UNC5D: variants seen among roughly 807,000 people sequenced by gnomAD.
UNC5D encodes unc-5 netrin receptor D.
Under a neutral mutation model 105.4 loss-of-function variants are expected in UNC5D, and 39 were observed. The ratio of observed to expected loss-of-function variants is 0.37; its 90% CI spans 0.29 to 0.48. UNC5D has a LOEUF of 0.48. UNC5D is among the 20% of genes least tolerant of loss of function. The pLI, the probability that UNC5D is intolerant of heterozygous loss-of-function variation, is 0.98. For synonymous variants in UNC5D, 452 were observed against 450.4 expected, an observed-to-expected ratio of 1.00 and a Z score of -0.04; for missense variants, 991 against 1,202.4, an observed-to-expected ratio of 0.82 and a Z score of 2.60.
intron 12 of UNC5D, among the ~76,000 whole-genome samples, chr8:35,750,326 G>A (rs1830212993): frequency 8.2e-6 from 1 of 121,658 alleles, no homozygotes; most frequent in Admixed American, 1.1e-4. Flanking sequence ...CCTGACCTCA[G>A]GTGATCTGCC....
chr8:35,359,538 T>C (rs1298166489), intron 1 of UNC5D, among the ~76,000 whole-genome samples: 1 of 152,212 alleles, frequency 6.6e-6, no homozygotes. Context: ...GACATTCTGA[T>C]TAACTGAATA....
At chr8:35,286,271 T>C (rs752696501) in intron 1 of UNC5D, among the ~76,000 whole-genome samples, 1 of 152,120 alleles carries the variant, frequency 6.6e-6, no homozygotes, top group Non-Finnish European at 1.5e-5. Context: ...CTCACAGAAA[T>C]CCAACTAGCA....
intron 1 of UNC5D, among the ~76,000 whole-genome samples, chr8:35,279,992 T>A (rs1806035329): frequency 6.6e-6 from 1 of 152,062 alleles, no homozygotes; most frequent in South Asian, 2.1e-4. Flanking sequence ...ACCTTTACTT[T>A]CTTTCTTTCT....
At chr8:35,774,827 TG>T (rs2131742152) in intron 16 of UNC5D, among the ~76,000 whole-genome samples, 2 of 150,436 alleles carry the variant, frequency 1.3e-5, no homozygotes, top group South Asian at 4.2e-4. Context: ...CCTGGGAGGC[TG>T]ATGTGAGAAG....
intron 1 of UNC5D, among the ~76,000 whole-genome samples, chr8:35,385,169 C>T (rs1239563721): frequency 1.3e-5 from 2 of 152,136 alleles, no homozygotes; most frequent in Non-Finnish European, 2.9e-5. Context: ...ATCTGATGAT[C>T]TCACCCATCC....
At chr8:35,269,973 T>C (rs571486454) in intron 1 of UNC5D, among the ~76,000 whole-genome samples, 23 of 152,312 alleles carry the variant, frequency 1.5e-4, no homozygotes, top group African/African-American at 4.3e-4. Flanking sequence ...AGATCTTTAG[T>C]GGCACAGAGT....
chr8:35,297,742 T>C (rs1279233346), intron 1 of UNC5D, among the ~76,000 whole-genome samples: 1 of 151,952 alleles, frequency 6.6e-6, no homozygotes, highest in Non-Finnish European at 1.5e-5. Flanking sequence ...CAGGTGTGAA[T>C]TGTGTTCCCT....
chr8:35,242,795 C>T (rs1443655737), intron 1 of UNC5D, among the ~76,000 whole-genome samples: 2 of 152,112 alleles, frequency 1.3e-5, no homozygotes, highest in African/African-American at 2.4e-5. Flanking sequence ...TTAAAGAGAA[C>T]GTATTTACTC....
intron 1 of UNC5D, among the ~76,000 whole-genome samples, chr8:35,373,220 T>C (rs1919336): frequency 0.53 from 80,729 of 152,042 alleles, 22,170 homozygotes; most frequent in East Asian, 0.7. Context: ...GTGTTGCATT[T>C]CAGAATAGTT....
chr8:35,593,046 T>TACACACACACACAC (rs200962371), intron 3 of UNC5D, among the ~76,000 whole-genome samples: 4 of 141,118 alleles, frequency 2.8e-5, no homozygotes, highest in African/African-American at 5.2e-5. Flanking sequence ...GTAGTTTTTA[T>TACACACACACACAC]ACACACACAC....
chr8:35,260,479 G>T (rs1804409611), intron 1 of UNC5D, among the ~76,000 whole-genome samples: 2 of 152,138 alleles, frequency 1.3e-5, no homozygotes, highest in African/African-American at 4.8e-5. Flanking sequence ...TATTATTGTT[G>T]TTGTTGTTTG....
chr8:35,243,415 G>T (rs1209136741), intron 1 of UNC5D, among the ~76,000 whole-genome samples: 1 of 152,086 alleles, frequency 6.6e-6, no homozygotes, highest in African/African-American at 2.4e-5. Flanking sequence ...TTCCTTTTGA[G>T]CTAATTGGGG....
chr8:35,442,917 CACACACACACACACACACA>C (rs1377173650), intron 1 of UNC5D, among the ~76,000 whole-genome samples: 1 of 151,062 alleles, frequency 6.6e-6, no homozygotes, highest in East Asian at 2.0e-4. Flanking sequence ...CACACACACA[CACACACACACACACACACA>C]ACACACACAC....
chr8:35,642,869 T>A (rs1822831154), intron 4 of UNC5D, among the ~76,000 whole-genome samples: 1 of 152,172 alleles, frequency 6.6e-6, no homozygotes, highest in Non-Finnish European at 1.5e-5. Context: ...ACATTTCCCC[T>A]TCTTTTTAGT....
chr8:35,367,996 A>G (rs567240605), intron 1 of UNC5D, among the ~76,000 whole-genome samples: 1 of 152,276 alleles, frequency 6.6e-6, no homozygotes, highest in Admixed American at 6.5e-5. Context: ...AAGTATGCCC[A>G]TGCCTACCTT....
intron 1 of UNC5D, among the ~76,000 whole-genome samples, chr8:35,236,129 C>G (rs1294806543): frequency 1.3e-5 from 2 of 152,164 alleles, no homozygotes; most frequent in African/African-American, 2.4e-5. Flanking sequence ...TTTCCTGGAC[C>G]CTCCTTGCCT....
At chr8:35,252,019 CTTTTTTT>C (rs1177014089) in intron 1 of UNC5D, among the ~76,000 whole-genome samples, 6,424 of 117,224 alleles carry the variant, frequency 0.055, 136 homozygotes, top group African/African-American at 0.083. Context: ...ACCAATGGTT[CTTTTTTT>C]TTTTTTTTTT....
intron 1 of UNC5D, among the ~76,000 whole-genome samples, chr8:35,268,140 T>G (rs2128830282): frequency 6.6e-6 from 1 of 152,336 alleles, no homozygotes; most frequent in South Asian, 2.1e-4. Context: ...CATAATATTA[T>G]AAATGTACTT....
At chr8:35,787,656 T>A (rs192043515) in intron 16 of UNC5D, among the ~76,000 whole-genome samples, 105 of 152,318 alleles carry the variant, frequency 6.9e-4, no homozygotes, top group African/African-American at 2.5e-3. Context: ...CTCACTCTGC[T>A]GCCCAGCCTG....
Sources: gnomAD v4.1 joint callset for allele counts (sites outside exome capture counted in the v4.1 genomes callset) on GRCh38, gnomAD v4.1.1 for gene constraint, MANE v1.5 for transcripts, NCBI Gene and HGNC (gene_info 2026-07-23, HGNC 2026-07-21) for gene names.